IFT80: variants seen among roughly 807,000 people sequenced by gnomAD.
The protein encoded by IFT80 is intraflagellar transport 80.
In IFT80, 79 loss-of-function variants were observed where a neutral mutation model predicts 107.9. That is an observed-to-expected ratio of 0.73 (90% confidence interval 0.61 to 0.88). IFT80 has a LOEUF of 0.88. Ranked by LOEUF, IFT80 falls within the 40% of genes least tolerant of loss-of-function variation. The pLI is 0.00. For synonymous variants in IFT80, 299 were observed against 300.9 expected (o/e 0.99, Z 0.07); for missense variants, 797 against 914.2 (o/e 0.87, Z 1.65).
At position 160,313,585 on chromosome 3, in the gene IFT80, A is replaced by G. The variant is rs541895595; in HGVS notation, c.958-5804T>C. Among the ~76,000 whole-genome samples the G allele has an allele frequency of 2.0e-5, 3 of 151,742 alleles. No homozygotes were observed. The South Asian group carries it at 6.3e-4, about 32-fold the overall frequency. On this transcript the variant is annotated intron_variant, in intron 9 of 19. Coordinates refer to ENST00000326448, the MANE Select transcript of IFT80 (RefSeq NM_020800.3). The stretch of plus-strand genomic sequence containing the variant: ...TAGTTTCAAAACTATGGCAAATTCC[A>G]CATCAGAAATGTTCTGTGCTGAATT...
intron 9 of IFT80, among the ~76,000 whole-genome samples, chr3:160,309,773 T>G (rs1201414823): frequency 1.3e-5 from 2 of 152,062 alleles, no homozygotes; most frequent in African/African-American, 4.8e-5. Context: ...TATATGGATT[T>G]GCTCACATTT....
At chr3:160,307,624 G>A in intron 10 of IFT80, 39 bp downstream of exon 10, 2 of 1,101,980 alleles carry the variant, frequency 1.8e-6, no homozygotes, top group Non-Finnish European at 2.8e-6. Flanking sequence ...AGCACAGACA[G>A]ACAAAACTCT....
At chr3:160,366,257 T>C (rs1334169522) in intron 5 of IFT80, 105 bp from the exon 6 acceptor site, 12 of 788,526 alleles carry the variant, frequency 1.5e-5, no homozygotes, top group Non-Finnish European at 2.2e-5. Flanking sequence ...TGAGGTGTCA[T>C]TTCATTTCTT....
At chr3:160,353,180 T>A (rs1720835962) in intron 8 of IFT80, among the ~76,000 whole-genome samples, 1 of 152,216 alleles carries the variant, frequency 6.6e-6, no homozygotes, top group Non-Finnish European at 1.5e-5. Context: ...CTCAAAGCAG[T>A]ATTTCCAACA....
chr3:160,279,594 A>C (rs1216016480), intron 15 of IFT80, among the ~76,000 whole-genome samples: 1 of 152,234 alleles, frequency 6.6e-6, no homozygotes, highest in Non-Finnish European at 1.5e-5. Context: ...AAACATTTGA[A>C]TATAACTTGC....
At chr3:160,387,090 G>C (rs1029749244) in intron 1 of IFT80, among the ~76,000 whole-genome samples, 1 of 152,188 alleles carries the variant, frequency 6.6e-6, no homozygotes, top group Non-Finnish European at 1.5e-5. Context: ...CCCCAAAAGA[G>C]AAATGAAAGT....
intron 11 of IFT80, among the ~76,000 whole-genome samples, chr3:160,303,610 C>T (rs1250972930): frequency 6.6e-6 from 1 of 152,118 alleles, no homozygotes; most frequent in African/African-American, 2.4e-5. Flanking sequence ...TTATTCTCAT[C>T]CCTTAAAATA....
At chr3:160,261,644 T>A (rs904690401) in intron 19 of IFT80, among the ~76,000 whole-genome samples, 2 of 148,814 alleles carry the variant, frequency 1.3e-5, no homozygotes, top group Admixed American at 6.7e-5. Context: ...TACAAAAAAA[T>A]AAAAAATTTA....
intron 9 of IFT80, among the ~76,000 whole-genome samples, chr3:160,309,765 T>G (rs373354347): frequency 7.2e-5 from 11 of 151,920 alleles, no homozygotes; most frequent in Admixed American, 2.0e-4. Flanking sequence ...TATGAAGATA[T>G]ATGGATTTGC....
At chr3:160,383,436 C>A (rs1275618755) in intron 2 of IFT80, 8 of 956,836 alleles carry the variant, frequency 8.4e-6, no homozygotes, top group Non-Finnish European at 8.7e-6. Flanking sequence ...AAAACACCTA[C>A]CAATTTAAAA....
intron 9 of IFT80, among the ~76,000 whole-genome samples, chr3:160,312,373 AACAG>A (rs1717340429): frequency 6.6e-6 from 1 of 150,814 alleles, no homozygotes; most frequent in South Asian, 2.1e-4. Context: ...TCTGATTTCA[AACAG>A]ACACTTGGAT....
intron 8 of IFT80, among the ~76,000 whole-genome samples, chr3:160,348,280 T>C (rs1473031428): frequency 1.3e-5 from 2 of 152,226 alleles, no homozygotes; most frequent in African/African-American, 4.8e-5. Context: ...CACTCTACTC[T>C]GCCTTGAGAA....
chr3:160,328,917 C>G (rs1718885586), intron 8 of IFT80, among the ~76,000 whole-genome samples: 1 of 151,938 alleles, frequency 6.6e-6, no homozygotes, highest in Non-Finnish European at 1.5e-5. Context: ...ATACCACATG[C>G]TCTCATTCAT....
intron 19 of IFT80, among the ~76,000 whole-genome samples, chr3:160,264,710 G>A (rs1437041415): frequency 6.6e-6 from 1 of 151,916 alleles, no homozygotes; most frequent in South Asian, 2.1e-4. Flanking sequence ...AAAGTGCTGG[G>A]ATTATGGGTG....
intron 8 of IFT80, among the ~76,000 whole-genome samples, chr3:160,329,246 T>C (rs528112004): frequency 6.6e-6 from 1 of 152,296 alleles, no homozygotes; most frequent in Non-Finnish European, 1.5e-5. Context: ...TCATGTGTGC[T>C]TTTAAAGAGA....
chr3:160,368,851 C>A (rs1290467705), intron 5 of IFT80, among the ~76,000 whole-genome samples: 3 of 151,884 alleles, frequency 2.0e-5, no homozygotes, highest in African/African-American at 4.8e-5. Context: ...TAAAATTATA[C>A]TTTCCTGGCG....
rs538437367 is a variant in IFT80 at position 160,259,252 on chromosome 3, A to G, written c.2224-617T>C. On this transcript the variant is annotated intron_variant, in intron 19 of 19. Coordinates refer to ENST00000326448, the MANE Select transcript of IFT80 (RefSeq NM_020800.3). ...TCTAGTCACAGCTATTTATAAAGGT[A>G]CATCTAAACAGTCCCATGGAGCCTT... Among the ~76,000 whole-genome samples the G allele has an allele frequency of 1.2e-4, 18 of 152,366 alleles. No homozygotes were observed. In the South Asian group the frequency reaches 3.5e-3, roughly 30 times the overall value.
At chr3:160,328,842 G>A (rs576814666) in intron 8 of IFT80, among the ~76,000 whole-genome samples, 1 of 152,282 alleles carries the variant, frequency 6.6e-6, no homozygotes, top group South Asian at 2.1e-4. Flanking sequence ...TCAGGGACAT[G>A]GATGGAGTTG....
At chr3:160,313,957 G>A (rs1432836347) in intron 9 of IFT80, among the ~76,000 whole-genome samples, 1 of 152,020 alleles carries the variant, frequency 6.6e-6, no homozygotes. Context: ...ACTCAGGGCA[G>A]CTCCAGGATT....
Sources: gnomAD v4.1 joint callset for allele counts (sites outside exome capture counted in the v4.1 genomes callset) on GRCh38, gnomAD v4.1.1 for gene constraint, MANE v1.5 for transcripts, NCBI Gene and HGNC (gene_info 2026-07-23, HGNC 2026-07-21) for gene names.